NDUFAF6: variants seen among roughly 807,000 people sequenced by gnomAD.
NDUFAF6 encodes the protein NADH:ubiquinone oxidoreductase complex assembly factor 6.
Under a neutral mutation model 40.8 loss-of-function variants are expected in NDUFAF6, and 45 were observed. The ratio of observed to expected loss-of-function variants is 1.10; its 90% CI spans 0.87 to 1.42. The LOEUF is 1.42. Ranked by LOEUF, NDUFAF6 falls within the 40% of genes most tolerant of loss-of-function variation. The pLI is 0.00. For missense variants in NDUFAF6, 435 were observed against 418.5 expected, an observed-to-expected ratio of 1.04 and a Z score of -0.34; for synonymous variants, 185 against 155.9, an observed-to-expected ratio of 1.19 and a Z score of -1.39.
intron 2 of NDUFAF6, among the ~76,000 whole-genome samples, chr8:94,948,781 G>C (rs563104575): frequency 6.6e-6 from 1 of 152,134 alleles, no homozygotes; most frequent in Non-Finnish European, 1.5e-5. Flanking sequence ...GGAGTGAGGA[G>C]GGGTGAGAGG....
chr8:94,896,641 C>A (rs912366226), intron 1 of NDUFAF6: 1 of 151,996 alleles, frequency 6.6e-6, no homozygotes, highest in African/African-American at 2.4e-5. Context: ...GCGAGCCGGA[C>A]GGCGAGCGGG....
At chr8:94,910,126 C>G (rs1197710310) in intron 1 of NDUFAF6, among the ~76,000 whole-genome samples, 1 of 151,874 alleles carries the variant, frequency 6.6e-6, no homozygotes, top group Non-Finnish European at 1.5e-5. Flanking sequence ...CTACTCCTGC[C>G]CATTTAGGAA....
chr8:94,933,649 C>T (rs528385918), intron 1 of NDUFAF6, among the ~76,000 whole-genome samples: 89 of 152,140 alleles, frequency 5.8e-4, no homozygotes, highest in African/African-American at 2.1e-3. Context: ...CCTGTAGTCC[C>T]AGCTAATCGG....
intron 1 of NDUFAF6, among the ~76,000 whole-genome samples, chr8:94,896,290 GC>G (rs1817558969): frequency 1.3e-5 from 2 of 148,526 alleles, no homozygotes; most frequent in Non-Finnish European, 3.0e-5. Context: ...CCGCCAGCGC[GC>G]CCTGCGGAGC....
At chr8:95,096,667 C>T (rs1210512469), upstream of NDUFAF6, among the ~76,000 whole-genome samples, 1 of 152,122 alleles carries the variant, frequency 6.6e-6, no homozygotes, top group African/African-American at 2.4e-5. Context: ...TGCAGTATGT[C>T]TTATTAAAAA....
intron 2 of NDUFAF6, among the ~76,000 whole-genome samples, chr8:95,009,020 G>A (rs1012770207): frequency 1.3e-5 from 2 of 151,786 alleles, no homozygotes; most frequent in Non-Finnish European, 1.5e-5. Flanking sequence ...AATACAGAGA[G>A]ATCCCATCTC....
intron 1 of NDUFAF6, among the ~76,000 whole-genome samples, chr8:94,941,494 C>G (rs541729877): frequency 6.6e-6 from 1 of 152,320 alleles, no homozygotes; most frequent in Admixed American, 6.5e-5. Flanking sequence ...ATGCCAGGCC[C>G]TCATCCTCCT....
In NDUFAF6 at chr8:95,032,019, A is replaced by ATGCTCCCTGC. The variant is rs863223932; in HGVS notation, c.233_242dup (p.Glu82AlafsTer16). 9.3e-5 allele frequency: 150 copies of ATGCTCCCTGC among 1,613,898 alleles called. No individual in the cohort carries two copies. The highest frequency in any genetic ancestry group is 1.1e-4 in the Non-Finnish European group (134 of 1,179,988). On this transcript the variant is annotated frameshift_variant, in exon 2 of 9. Transcript: ENST00000396124. LOFTEE classifies it high-confidence loss of function. ...GGAAACGGGATTATGAAGGTTATTT[A>ATGCTCCCTGC]TGCTCCCTGCTGCTCCCTGCAGAAT...
At chr8:95,070,290 G>C (rs2132030989) in intron 9 of NDUFAF6, among the ~76,000 whole-genome samples, 1 of 152,292 alleles carries the variant, frequency 6.6e-6, no homozygotes, top group Admixed American at 6.5e-5. Flanking sequence ...GAATTATCAT[G>C]AAGGTTAAGT....
intron 2 of NDUFAF6, among the ~76,000 whole-genome samples, chr8:94,999,603 G>C (rs1826623385): frequency 6.6e-6 from 1 of 151,796 alleles, no homozygotes; most frequent in Non-Finnish European, 1.5e-5. Flanking sequence ...TTTCAATAGA[G>C]ACAGGGTTTT....
chr8:95,055,888 TA>T (rs1171864093), intron 8 of NDUFAF6, among the ~76,000 whole-genome samples: 1 of 152,176 alleles, frequency 6.6e-6, no homozygotes, highest in East Asian at 1.9e-4. Context: ...CTGTCACCAT[TA>T]AATTGGACTC....
At chr8:94,920,567 C>A (rs149080576) in intron 1 of NDUFAF6, among the ~76,000 whole-genome samples, 1 of 152,316 alleles carries the variant, frequency 6.6e-6, no homozygotes, top group East Asian at 1.9e-4. Flanking sequence ...GTACATGAAC[C>A]CCAGTATGCA....
chr8:95,030,488 G>C (rs1405954481), intron 1 of NDUFAF6, among the ~76,000 whole-genome samples: 1 of 152,060 alleles, frequency 6.6e-6, no homozygotes, highest in Non-Finnish European at 1.5e-5. Context: ...TCCCTGCTCT[G>C]CCTCCCACAG....
chr8:94,932,216 G>A (rs770897924), intron 1 of NDUFAF6: 48 of 1,141,504 alleles, frequency 4.2e-5, no homozygotes, highest in Non-Finnish European at 6.2e-5. Context: ...TTTACTATGT[G>A]CCATTAAAGG....
In NDUFAF6 at chr8:95,035,562, A is replaced by C; in HGVS notation, c.406A>C (p.Ile136Leu). 6.3e-7 allele frequency: 1 copy of C among 1,597,652 alleles called. No homozygotes were observed. The highest frequency in any genetic ancestry group is 8.5e-7 in the Non-Finnish European group (1 of 1,175,694). The change falls in exon 3 of 9, where the codon ATT becomes CTT. Residue 136 changes from isoleucine (I) to leucine (L), a missense_variant. Coordinates refer to ENST00000396124, the MANE Select transcript of NDUFAF6 (RefSeq NM_152416.4). ...CAATCCACCACATCAGCCTGTGGCC[A>C]TTGAACTATGGAAGGTAAAAAAAAA... Reference protein sequence around the residue: ...CDNPPHQPVAIELWKAVKRHN... With the variant: ...CDNPPHQPVALELWKAVKRHN...
chr8:95,115,078 G>A (rs965840523), intron 4 of NDUFAF6, among the ~76,000 whole-genome samples: 6 of 149,784 alleles, frequency 4.0e-5, no homozygotes, highest in African/African-American at 1.5e-4. Context: ...AAAAAAAAGT[G>A]TCTATTGAGA....
intron 3 of NDUFAF6, among the ~76,000 whole-genome samples, chr8:95,038,983 G>GT (rs199846115): frequency 0.082 from 11,539 of 141,152 alleles, 553 homozygotes; most frequent in East Asian, 0.15. Context: ...TTTTGTGTTT[G>GT]TTTTTTTTTT....
chr8:95,100,107 G>A (rs1453430845), upstream of NDUFAF6, among the ~76,000 whole-genome samples: 1 of 151,954 alleles, frequency 6.6e-6, no homozygotes, highest in Admixed American at 6.6e-5. Flanking sequence ...CTCAATCCAG[G>A]GCTCTCCCTA....
chr8:95,027,827 T>C (rs1828352268), intron 1 of NDUFAF6, among the ~76,000 whole-genome samples: 1 of 152,246 alleles, frequency 6.6e-6, no homozygotes, highest in Non-Finnish European at 1.5e-5. Context: ...GTTTTGGACG[T>C]GCATTTTATG....
Sources: allele counts gnomAD v4.1 joint callset (sites outside exome capture counted in the v4.1 genomes callset), GRCh38; gene constraint gnomAD v4.1.1; transcripts MANE v1.5; gene names NCBI Gene and HGNC (gene_info 2026-07-23, HGNC 2026-07-21).